TMEM192: variants seen among roughly 807,000 people sequenced by gnomAD.
The protein encoded by TMEM192 is transmembrane protein 192.
TMEM192 carries 20 observed loss-of-function variants against 26.7 expected under a neutral mutation model. The observed-to-expected ratio is 0.75, with a 90% CI of 0.53 to 1.09. The LOEUF (loss-of-function observed/expected upper bound fraction) is 1.09. Among genes scored for constraint, TMEM192 ranks in the 50% least tolerant of loss-of-function variants. TMEM192 has a pLI of 0.00. For synonymous variants in TMEM192, 124 were observed against 121.0 expected (o/e 1.02, Z -0.16); for missense variants, 304 against 322.6 (o/e 0.94, Z 0.44).
rs753454846 is a variant in TMEM192, at chr4:165,088,570, G to A, written c.472C>T (p.Gln158Ter). The A allele has an allele frequency of 3.1e-6, 5 of 1,613,460 alleles. No individual in the cohort carries two copies. The highest frequency in any genetic ancestry group is 2.2e-5 in the East Asian group (1 of 44,876). ...NTVLLLILCM[Q>*]HSFPEPGRLY... is the part of the protein sequence containing the mutation. ...CTGCCAGGCTCTGGGAAGGAGTGCT[G>A]CATGCACAGTATGAGGAGAAGCACT... The change falls in exon 4 of 6, where the codon CAG becomes TAG. Residue 158 changes from glutamine to a stop codon, truncating the protein, a stop_gained. Transcript: ENST00000306480. LOFTEE classifies it high-confidence loss of function.
At chr4:165,088,909 C>T (rs1027951338) in intron 3 of TMEM192, among the ~76,000 whole-genome samples, 3 of 151,754 alleles carry the variant, frequency 2.0e-5, no homozygotes, top group Non-Finnish European at 4.4e-5. Flanking sequence ...GGCATGGTGG[C>T]ACACATCTGT....
rs567116731 is a variant in TMEM192, at chr4:165,071,227, C to T, written c.*8431G>A. 4 of 151,624 alleles carry T rather than the reference C, an allele frequency of 2.6e-5. No homozygotes were observed. Among genetic ancestry groups the T allele is most frequent in the South Asian group, 2.1e-4 (1 of 4,822 alleles). 9.4% of individuals were successfully genotyped at this position (151,624 alleles called of 1,614,324 possible). ...TAGCAATATACTATAATAAAAGTTA[C>T]GTGTGGTGGTGTGGTGCACATCTAT... On this transcript the variant is annotated 3_prime_UTR_variant, in exon 6 of 6. Coordinates refer to ENST00000306480, the MANE Select transcript of TMEM192 (RefSeq NM_001100389.2).
In TMEM192 at chr4:165,079,719, A is replaced by T; in HGVS notation, c.755T>A (p.Leu252Gln). Residue 252 changes from leucine (L) to glutamine (Q), a missense_variant, in exon 6 of 6, where the codon CTG becomes CAG. By Grantham distance (113) the Leu-to-Gln change is moderately radical (BLOSUM62 -2). Coordinates refer to ENST00000306480, the MANE Select transcript of TMEM192 (RefSeq NM_001100389.2). ...IEYLKRHNAL[L>Q]SKRLLALTSS... ...AGTGAGAGCCAACAATCGCTTACTCAGCAGCGCATTGTGTCGCTTCAGGTA... is the reference window on the plus strand; with the variant it reads ...AGTGAGAGCCAACAATCGCTTACTCTGCAGCGCATTGTGTCGCTTCAGGTA... 1 of 1,614,092 alleles carries T rather than the reference A, an allele frequency of 6.2e-7. No homozygotes were observed. The highest frequency in any genetic ancestry group is 2.2e-5 in the East Asian group (1 of 44,880).
intron 1 of TMEM192, among the ~76,000 whole-genome samples, chr4:165,106,085 C>T (rs1735152969): frequency 6.6e-6 from 1 of 152,208 alleles, no homozygotes; most frequent in Non-Finnish European, 1.5e-5. Context: ...TCTTGGACTT[C>T]CTGTCCTCTA....
chr4:165,104,732 T>C (rs1735125730), intron 1 of TMEM192, among the ~76,000 whole-genome samples: 1 of 152,098 alleles, frequency 6.6e-6, no homozygotes, highest in Non-Finnish European at 1.5e-5. Context: ...GGTTTCGCCA[T>C]GTTAGCCAAA....
chr4:165,072,897 T>C lies in TMEM192; in HGVS notation c.*6761A>G, dbSNP rs1734301704. On this transcript the variant is annotated 3_prime_UTR_variant, in exon 6 of 6. Coordinates refer to ENST00000306480, the MANE Select transcript of TMEM192 (RefSeq NM_001100389.2). ...GGAAGGCCTGGCTGAAGATTCACATTTGGAAATTATCAGCTCATAAATTCT... is the reference window on the plus strand; with the variant it reads ...GGAAGGCCTGGCTGAAGATTCACATCTGGAAATTATCAGCTCATAAATTCT... 6.6e-6 allele frequency: 1 copy of C among 151,572 alleles called. No homozygotes were observed. The highest frequency in any genetic ancestry group is 2.1e-4 in the South Asian group (1 of 4,766). The allele number at this position is 151,572 out of a possible 1,614,324, so 9.4% of individuals were successfully genotyped here. A position where few individuals can be genotyped will look rare whatever the true frequency, so the allele number is the denominator to read the frequency against.
At position 165,102,366 on chromosome 4, in the gene TMEM192, C is replaced by T. The variant is rs148751062; in HGVS notation, c.174+584G>A. Among the ~76,000 whole-genome samples, 1,228 of 152,284 alleles carry T rather than the reference C, an allele frequency of 8.1e-3. 8 individuals carry two copies. Among genetic ancestry groups the T allele is most frequent in the South Asian group, 0.035 (171 of 4,820 alleles). ...TAAACAGTAAATTATATTAGTGTCT[C>T]TTCCACCAAGACCCTCAGTCCTCAT... On this transcript the variant is annotated intron_variant, in intron 2 of 5. Transcript: ENST00000306480.
chr4:165,105,752 C>T (rs762961311), intron 1 of TMEM192, among the ~76,000 whole-genome samples: 1 of 152,192 alleles, frequency 6.6e-6, no homozygotes, highest in Non-Finnish European at 1.5e-5. Flanking sequence ...AAGTGCACTC[C>T]CAGTGTGCTA....
chr4:165,088,932 C>T (rs567032004), intron 3 of TMEM192, among the ~76,000 whole-genome samples: 33 of 150,182 alleles, frequency 2.2e-4, no homozygotes, highest in African/African-American at 7.8e-4. Context: ...TTCCAGCTAC[C>T]TGGGAGGCTA....
At chr4:165,099,986 C>T (rs1336742078) in intron 3 of TMEM192, among the ~76,000 whole-genome samples, 1 of 152,018 alleles carries the variant, frequency 6.6e-6, no homozygotes, top group Admixed American at 6.6e-5. Context: ...TTCCCTCTCC[C>T]TATCCTCAGA....
chr4:165,087,413 G>C (rs1344937675), intron 4 of TMEM192, among the ~76,000 whole-genome samples: 2 of 152,160 alleles, frequency 1.3e-5, no homozygotes, highest in African/African-American at 4.8e-5. Context: ...ATGACTGACT[G>C]ATCACCAATC....
chr4:165,090,148 T>C (rs1396877538), intron 3 of TMEM192, among the ~76,000 whole-genome samples: 6 of 138,346 alleles, frequency 4.3e-5, no homozygotes, highest in African/African-American at 1.3e-4. Context: ...GAGGTGGAGG[T>C]TGCGGTGAGC....
In TMEM192 at chr4:165,100,739, G is replaced by C; in HGVS notation, c.328C>G (p.Leu110Val). ...TGGTGATACTGGATGTAGCATTCAAGGAGTAAATGGAGAATCCACAAAATA... is the reference window on the plus strand; with the variant it reads ...TGGTGATACTGGATGTAGCATTCAACGAGTAAATGGAGAATCCACAAAATA... Reference protein sequence around the residue: ...KVILWILHLLLECYIQYHHSK... With the variant: ...KVILWILHLLVECYIQYHHSK... Residue 110 changes from leucine to valine, a missense_variant, in exon 3 of 6, where the codon CTT (leucine) becomes GTT (valine). By Grantham distance (32) the Leu-to-Val change is conservative. Coordinates refer to ENST00000306480, the MANE Select transcript of TMEM192 (RefSeq NM_001100389.2). The C allele has an allele frequency of 1.2e-6, 2 of 1,614,052 alleles. No individual in the cohort carries two copies. The highest frequency in any genetic ancestry group is 1.7e-6 in the Non-Finnish European group (2 of 1,180,028).
intron 3 of TMEM192, among the ~76,000 whole-genome samples, chr4:165,099,976 T>C (rs1384385008): frequency 6.6e-6 from 1 of 151,932 alleles, no homozygotes; most frequent in Non-Finnish European, 1.5e-5. Flanking sequence ...AATTTAAAAA[T>C]TCCCTCTCCC....
At chr4:165,103,531 T>TTTTTGG (rs1735094838) in intron 1 of TMEM192, among the ~76,000 whole-genome samples, 4 of 131,232 alleles carry the variant, frequency 3.0e-5, no homozygotes, top group African/African-American at 6.2e-5. Flanking sequence ...TTTTTTTTTT[T>TTTTTGG]GAGATAGAGT....
In TMEM192 at chr4:165,086,494, A is replaced by G. The variant is rs1179864585; in HGVS notation, c.575-806T>C. ...GAGTGCAGTGGCACAACCTTGGCTC[A>G]CTGCAACCTCTGTCTCTGCCTCCTA... is the stretch of plus-strand genomic sequence containing the variant. On this transcript the variant is annotated intron_variant, in intron 4 of 5. Coordinates refer to ENST00000306480, the MANE Select transcript of TMEM192 (RefSeq NM_001100389.2). Among the ~76,000 whole-genome samples the G allele has an allele frequency of 4.1e-5, 6 of 145,038 alleles. No individual in the cohort carries two copies. The Admixed American group carries it at 4.4e-4, about 11-fold the overall frequency.
At chr4:165,107,330 TAAAACA>T (rs766983023) in intron 1 of TMEM192, among the ~76,000 whole-genome samples, 10 of 140,934 alleles carry the variant, frequency 7.1e-5, no homozygotes, top group African/African-American at 2.2e-4. Context: ...CCTTTTTTTT[TAAAACA>T]AAAACAAAAA....
At chr4:165,098,426 TTTC>T (rs1280595612) in intron 3 of TMEM192, among the ~76,000 whole-genome samples, 1 of 150,536 alleles carries the variant, frequency 6.6e-6, no homozygotes, top group Non-Finnish European at 1.5e-5. Flanking sequence ...CGCCCAGGAA[TTTC>T]TTTTTTTTTT....
rs1734386867 is a variant in TMEM192, at chr4:165,076,555, C to T, written c.*3103G>A. 1 of 152,264 alleles carries T rather than the reference C, an allele frequency of 6.6e-6. No homozygotes were observed. Among genetic ancestry groups the T allele is most frequent in the Non-Finnish European group, 1.5e-5 (1 of 68,106 alleles). The allele number at this position is 152,264 out of a possible 1,614,324, so 9.4% of individuals were successfully genotyped here. ...CTTCCTACTTTACTCATTGTTCTGT[C>T]TGACATTCTTAAAACCCTCTACCCT... On this transcript the variant is annotated 3_prime_UTR_variant, in exon 6 of 6. Coordinates refer to ENST00000306480, the MANE Select transcript of TMEM192 (RefSeq NM_001100389.2).
Sources: allele counts gnomAD v4.1 joint callset (sites outside exome capture counted in the v4.1 genomes callset), GRCh38; gene constraint gnomAD v4.1.1; transcripts MANE v1.5; gene names NCBI Gene and HGNC (gene_info 2026-07-23, HGNC 2026-07-21).